Variants in RECQL5 observed in about 807,000 individuals in gnomAD.
RECQL5 encodes the protein ATP-dependent DNA helicase Q5.
Under a neutral mutation model 103.4 loss-of-function variants are expected in RECQL5, and 88 were observed. The ratio of observed to expected loss-of-function variants is 0.85; its 90% CI spans 0.72 to 1.02. The LOEUF (loss-of-function observed/expected upper bound fraction) is 1.02, where lower values mean the gene tolerates loss of function less well. Among genes scored for constraint, RECQL5 ranks in the 50% least tolerant of loss-of-function variants. The pLI is 0.00. For synonymous variants in RECQL5, 552 were observed against 507.9 expected, an observed-to-expected ratio of 1.09 and a Z score of -1.17; for missense variants, 1,232 against 1,284.3, an observed-to-expected ratio of 0.96 and a Z score of 0.62.
Position 75,629,490 on chromosome 17 carries a change from A to C in RECQL5, c.1948-15T>G. On this transcript the variant is annotated splice_polypyrimidine_tract_variant and intron_variant, in intron 15 of 19. Coordinates refer to ENST00000317905, the MANE Select transcript of RECQL5 (RefSeq NM_004259.7). ...TTGGGTTTGAGCTGTAAATGTGAGC[A>C]GGAGGAGAGGAGGTTCAGCCCACTA... is the stretch of plus-strand genomic sequence containing the variant. 6.7e-7 allele frequency: 1 copy of C among 1,500,586 alleles called. No individual in the cohort carries two copies. The highest frequency in any genetic ancestry group is 8.9e-7 in the Non-Finnish European group (1 of 1,125,042). 93.0% of individuals were successfully genotyped at this position (1,500,586 alleles called of 1,614,324 possible).
chr17:75,630,713 T>C, intron 12 of RECQL5, 21 bp from the exon 13 acceptor site: 2 of 1,611,178 alleles, frequency 1.2e-6, no homozygotes, highest in Non-Finnish European at 1.7e-6. Flanking sequence ...ACAGTGAGAC[T>C]GGTCGCATGG....
intron 7 of RECQL5, among the ~76,000 whole-genome samples, chr17:75,657,802 C>G: frequency 6.9e-6 from 1 of 144,146 alleles, no homozygotes; most frequent in South Asian, 2.2e-4. Context: ...GTAACCCCAA[C>G]ACTTTGGGAG....
chr17:75,634,019 C>T, intron 8 of RECQL5: 1 of 985,592 alleles, frequency 1.0e-6, no homozygotes. Flanking sequence ...GGTAATTTGA[C>T]ACTTGGATCT....
intron 7 of RECQL5, among the ~76,000 whole-genome samples, chr17:75,657,228 G>T (rs1227055221): frequency 1.3e-5 from 2 of 152,126 alleles, no homozygotes; most frequent in Non-Finnish European, 2.9e-5. Context: ...CAAAAAACAA[G>T]GGAAGATTAA....
At chr17:75,630,536 C>A in intron 13 of RECQL5, 83 bp downstream of exon 13, 1 of 1,450,416 alleles carries the variant, frequency 6.9e-7, no homozygotes, top group Non-Finnish European at 9.6e-7. Context: ...GTGGCCCAAA[C>A]AGGCCAGGGT....
At position 75,629,446 on chromosome 17, in the gene RECQL5, GA is replaced by G. The variant is rs2059165196; in HGVS notation, c.1976del (p.Phe659SerfsTer14). On this transcript the variant is annotated frameshift_variant, in exon 16 of 20. Transcript: ENST00000317905. LOFTEE classifies it high-confidence loss of function. ...SLKPKRVGAG[F>X]PKGSCPFQTA... ...TCTGGAACGGGCAGGAGCCTTTGGGGAAACCAGCTCCCACCCGCTTGGGTTT... is the reference window on the plus strand; with the variant it reads ...TCTGGAACGGGCAGGAGCCTTTGGGGAACCAGCTCCCACCCGCTTGGGTTT... 6.6e-7 allele frequency: 1 copy of G among 1,504,564 alleles called. No homozygotes were observed. Among genetic ancestry groups the G allele is most frequent in the East Asian group, 2.3e-5 (1 of 43,534 alleles). The allele number at this position is 1,504,564 out of a possible 1,614,324, so 93.2% of individuals were successfully genotyped here.
At chr17:75,627,816 G>C in intron 18 of RECQL5, 124 bp from the exon 19 acceptor site, 1 of 788,090 alleles carries the variant, frequency 1.3e-6, no homozygotes, top group Non-Finnish European at 2.0e-6. Context: ...TCAGGAGATC[G>C]AGACCATCCT....
In RECQL5 at chr17:75,629,360, C is replaced by T; in HGVS notation, c.2063G>A (p.Gly688Glu). ...IREQAPQPER[G>E]GEHEPPSRPC... ...CCGGCTCGGGGGCTCGTGCTCGCCT[C>T]CCCGCTCGGGCTGGGGGGCTTGCTC... Residue 688 changes from glycine (G) to glutamate (E), a missense_variant, in exon 16 of 20, where the codon GGA becomes GAA. Transcript: ENST00000317905. 6.6e-7 allele frequency: 1 copy of T among 1,512,922 alleles called. No individual in the cohort carries two copies. Among genetic ancestry groups the T allele is most frequent in the Non-Finnish European group, 8.8e-7 (1 of 1,131,108 alleles). The allele number at this position is 1,512,922 out of a possible 1,614,324, so 93.7% of individuals were successfully genotyped here. A position where few individuals can be genotyped will look rare whatever the true frequency, so the allele number is the denominator to read the frequency against.
Position 75,628,251 on chromosome 17 carries a change from G to C in RECQL5, c.2772C>G (p.Thr924=), listed in dbSNP as rs2059139872. 1.9e-6 allele frequency: 3 copies of C among 1,614,058 alleles called. No individual in the cohort carries two copies. Among genetic ancestry groups the C allele is most frequent in the East Asian group, 2.2e-5 (1 of 44,890 alleles). Residue 924 remains threonine (T), a synonymous_variant, in exon 18 of 20, where the codon ACC becomes ACG. Coordinates refer to ENST00000317905, the MANE Select transcript of RECQL5 (RefSeq NM_004259.7). ...EAANVVVKCL[T]PFYKEGKFAS... is the part of the protein sequence containing the mutation. Reference sequence around the variant, plus strand: ...CAAACTTGCCCTCCTTGTAGAAAGGGGTGAGGCACTTGACCACAACATTTG... The same window carrying C: ...CAAACTTGCCCTCCTTGTAGAAAGGCGTGAGGCACTTGACCACAACATTTG...
At position 75,658,417 on chromosome 17, in the gene RECQL5, A is replaced by G; in HGVS notation, c.1030T>C (p.Tyr344His). The change falls in exon 7 of 20, where the codon TAC becomes CAC. Residue 344 changes from tyrosine to histidine, a missense_variant. Coordinates refer to ENST00000317905, the MANE Select transcript of RECQL5 (RefSeq NM_004259.7). The stretch of plus-strand genomic sequence containing the variant: ...CTGCCAGCCCGGCCAGACTCCTGGT[A>G]GTACCCAGCCATAGACTTGGCAATA... ...WNIAKSMAGY[Y>H]QESGRAGRDG... is the part of the protein sequence containing the mutation. The G allele has an allele frequency of 6.2e-7, 1 of 1,614,066 alleles. No homozygotes were observed. Among genetic ancestry groups the G allele is most frequent in the South Asian group, 1.1e-5 (1 of 91,082 alleles).
rs1022548505 is a variant in RECQL5, at chr17:75,633,605, G to A, written c.1230-1937C>T. ...GGTTGCAAAGCCTCCTGCTCAGCTT[G>A]AGAGGGCCACCAGCTCCCCACTGTT... On this transcript the variant is annotated intron_variant, in intron 8 of 19. Coordinates refer to ENST00000317905, the MANE Select transcript of RECQL5 (RefSeq NM_004259.7). 3 of 1,214,716 alleles carry A rather than the reference G, an allele frequency of 2.5e-6. No individual in the cohort carries two copies. The African/African-American group carries it at 4.7e-5, about 19-fold the overall frequency. The allele number at this position is 1,214,716 out of a possible 1,614,324, so 75.2% of individuals were successfully genotyped here.
At chr17:75,660,917 G>T in intron 6 of RECQL5, 38 bp downstream of exon 6, 1 of 1,495,388 alleles carries the variant, frequency 6.7e-7, no homozygotes, top group Non-Finnish European at 9.3e-7. Flanking sequence ...CCTGAGCCAG[G>T]CCCAGACCAG....
At chr17:75,649,804 G>A in intron 8 of RECQL5, 1 of 985,486 alleles carries the variant, frequency 1.0e-6, no homozygotes, top group Non-Finnish European at 1.2e-6. Context: ...TGCTCAAGAG[G>A]CAGCGCAACA....
chr17:75,663,484 G>A (rs530269496), intron 3 of RECQL5, among the ~76,000 whole-genome samples: 12 of 152,242 alleles, frequency 7.9e-5, no homozygotes, highest in Middle Eastern at 3.4e-3. Flanking sequence ...GAAAGGTGTG[G>A]AACTTTCCAC....
At chr17:75,656,996 G>A (rs952114029) in intron 7 of RECQL5, among the ~76,000 whole-genome samples, 28 of 152,050 alleles carry the variant, frequency 1.8e-4, no homozygotes, top group Non-Finnish European at 2.5e-4. Context: ...CACCCGCCTC[G>A]GCCTCCCAAA....
chr17:75,633,638 G>A, intron 8 of RECQL5: 1 of 1,182,740 alleles, frequency 8.5e-7, no homozygotes, highest in Non-Finnish European at 1.1e-6. Flanking sequence ...GTTTACTGTT[G>A]TTCCTGAGAG....
At chr17:75,664,096 T>C (rs181967341) in intron 3 of RECQL5, among the ~76,000 whole-genome samples, 28 of 150,842 alleles carry the variant, frequency 1.9e-4, no homozygotes, top group African/African-American at 6.1e-4. Context: ...TTAATGTATG[T>C]AAAGCACTTA....
intron 8 of RECQL5, chr17:75,648,932 A>G (rs2059521748): frequency 6.6e-6 from 1 of 151,396 alleles, no homozygotes; most frequent in Non-Finnish European, 1.5e-5. Context: ...GGCTCAAGCG[A>G]TCCTCCCACT....
Position 75,629,066 on chromosome 17 carries a change from C to T in RECQL5, c.2357G>A (p.Gly786Asp), listed in dbSNP as rs2059157895. ...AACCCCCTCACAGGAGGGGCAGGCACCTTCTGCCTCTGGGGCTGATGCCAG... is the reference window on the plus strand; with the variant it reads ...AACCCCCTCACAGGAGGGGCAGGCATCTTCTGCCTCTGGGGCTGATGCCAG... ...ALLASAPEAEGACPSCEGVQG... is the reference protein window; with the variant it reads ...ALLASAPEAEDACPSCEGVQG... Residue 786 changes from glycine (G) to aspartate (D), a missense_variant, in exon 16 of 20, where the codon GGT (glycine) becomes GAT (aspartate). Physicochemically the swap from Gly to Asp is moderately conservative, Grantham distance 94 (BLOSUM62 -1). Transcript: ENST00000317905. 1.2e-6 allele frequency: 2 copies of T among 1,610,816 alleles called. No individual in the cohort carries two copies. Among genetic ancestry groups the T allele is most frequent in the Admixed American group, 1.7e-5 (1 of 59,750 alleles).
Sources: allele counts gnomAD v4.1 joint callset (sites outside exome capture counted in the v4.1 genomes callset), GRCh38; gene constraint gnomAD v4.1.1; transcripts MANE v1.5; gene names NCBI Gene and HGNC (gene_info 2026-07-23, HGNC 2026-07-21).